The following TUBA4B variants were observed in gnomAD, a reference collection of about 807,000 sequenced individuals.
TUBA4B encodes the protein tubulin alpha 4b.
Under a neutral mutation model 18.4 loss-of-function variants are expected in TUBA4B, and 13 were observed. The ratio of observed to expected loss-of-function variants is 0.71; its 90% confidence interval spans 0.46 to 1.12. The LOEUF (loss-of-function observed/expected upper bound fraction) is 1.12. TUBA4B is among the 50% of genes most tolerant of loss of function. The pLI, the probability that TUBA4B is intolerant of heterozygous loss-of-function variation, is 0.00. For missense variants in TUBA4B, 244 were observed against 250.0 expected (o/e 0.98, Z 0.16); for synonymous variants, 101 against 99.1 (o/e 1.02, Z -0.11).
intron 1 of TUBA4B, among the ~76,000 whole-genome samples, chr2:219,264,439 G>A (rs1407035352): frequency 6.8e-6 from 1 of 147,380 alleles, no homozygotes; most frequent in Non-Finnish European, 1.5e-5. Flanking sequence ...CAGCCTGGGT[G>A]ACAGAGTGAG....
At chr2:219,253,966 C>T in intron 1 of TUBA4B, 3 of 1,126,724 alleles carry the variant, frequency 2.7e-6, no homozygotes, top group South Asian at 2.4e-5. Context: ...GGGGGCGGGG[C>T]CCGCGTTCCC....
chr2:219,261,339 T>A (rs1377499015), intron 1 of TUBA4B, among the ~76,000 whole-genome samples: 1 of 152,168 alleles, frequency 6.6e-6, no homozygotes, highest in African/African-American at 2.4e-5. Context: ...ACATCTGTTT[T>A]TATCAGGAGA....
rs771380611 is a variant in TUBA4B at position 219,271,217 on chromosome 2, C to G, written c.244C>G (p.Arg82Gly). The G allele has an allele frequency of 2.0e-5, 23 of 1,159,736 alleles. No individual in the cohort carries two copies. The African/African-American group carries it at 2.4e-4, about 12-fold the overall frequency. 71.8% of individuals were successfully genotyped at this position (1,159,736 alleles called of 1,614,324 possible). The change falls in exon 4 of 4, where the codon CGG becomes GGG. Residue 82 changes from arginine to glycine, a missense_variant. Physicochemically the swap from Arg to Gly is moderately radical, Grantham distance 125. Coordinates refer to ENST00000490341, the MANE Select transcript of TUBA4B (RefSeq NM_001355221.1). ...CTTCCTGGTGTTCCACAGCCTTGGT[C>G]GGGGCACTGGCTCTGACGTCACCTC... is the stretch of plus-strand genomic sequence containing the variant. ...QGFLVFHSLG[R>G]GTGSDVTSFL...
In TUBA4B at chr2:219,253,337, C is replaced by G; in HGVS notation, c.-71C>G. ...TTCCCACCAACCCTCTCAGCTCAGA[C>G]GCGGGGTGCTGAGTCACGGGGGGGG... On this transcript the variant is annotated 5_prime_UTR_variant, in exon 1 of 4. Coordinates refer to ENST00000490341, the MANE Select transcript of TUBA4B (RefSeq NM_001355221.1). The G allele has an allele frequency of 2.6e-6, 4 of 1,530,356 alleles. No individual in the cohort carries two copies. Among genetic ancestry groups the G allele is most frequent in the Non-Finnish European group, 3.5e-6 (4 of 1,144,346 alleles). The allele number at this position is 1,530,356 out of a possible 1,614,324, so 94.8% of individuals were successfully genotyped here. A position where few individuals can be genotyped will look rare whatever the true frequency, so the allele number is the denominator to read the frequency against.
intron 1 of TUBA4B, among the ~76,000 whole-genome samples, chr2:219,255,570 A>G (rs748291375): frequency 3.3e-5 from 5 of 152,028 alleles, no homozygotes; most frequent in African/African-American, 7.2e-5. Context: ...AGGTCTCGCC[A>G]TATTGTCCAG....
intron 1 of TUBA4B, among the ~76,000 whole-genome samples, chr2:219,255,081 T>C (rs1951706640): frequency 6.6e-6 from 1 of 152,096 alleles, no homozygotes; most frequent in Admixed American, 6.6e-5. Context: ...GTCAGTGTCT[T>C]GCTGTGTCAC....
intron 1 of TUBA4B, among the ~76,000 whole-genome samples, chr2:219,255,062 C>T (rs951140092): frequency 4.6e-5 from 7 of 151,974 alleles, no homozygotes; most frequent in Non-Finnish European, 8.8e-5. Context: ...CTCTCTCTCT[C>T]TCTTTTGAGT....
At chr2:219,271,015 A>G (rs551018125) in intron 3 of TUBA4B, among the ~76,000 whole-genome samples, 151 bp from the exon 4 acceptor site, 162 of 152,286 alleles carry the variant, frequency 1.1e-3, no homozygotes, top group African/African-American at 3.6e-3. Flanking sequence ...TGGGCCCTGG[A>G]CCCACTCTAT....
chr2:219,258,192 T>C (rs1010070167), intron 1 of TUBA4B, among the ~76,000 whole-genome samples: 12 of 152,064 alleles, frequency 7.9e-5, no homozygotes, highest in African/African-American at 2.9e-4. Flanking sequence ...GATTTCACCA[T>C]GTTGGACAGG....
At chr2:219,270,167 C>A in intron 2 of TUBA4B, 35 bp from the exon 3 acceptor site, 1 of 708,000 alleles carries the variant, frequency 1.4e-6, no homozygotes. Flanking sequence ...AGGTGGGGCC[C>A]AAAACTCTGC....
intron 1 of TUBA4B, among the ~76,000 whole-genome samples, chr2:219,262,167 C>T (rs1951763373): frequency 6.6e-6 from 1 of 152,142 alleles, no homozygotes; most frequent in Non-Finnish European, 1.5e-5. Flanking sequence ...AAAAATTAGC[C>T]TGGCGTGGTG....
At chr2:219,266,313 C>G (rs1159127635) in intron 1 of TUBA4B, 1 of 560,734 alleles carries the variant, frequency 1.8e-6, no homozygotes, top group Non-Finnish European at 3.2e-6. Flanking sequence ...CTAGCCCTGG[C>G]CCCTCCTCTG....
rs1047221293 is a variant in TUBA4B at position 219,272,053 on chromosome 2, A to T, written c.*354A>T. 3.6e-6 allele frequency: 5 copies of T among 1,384,416 alleles called. No homozygotes were observed. Among genetic ancestry groups the T allele is most frequent in the African/African-American group, 1.4e-5 (1 of 69,548 alleles). The allele number at this position is 1,384,416 out of a possible 1,614,324, so 85.8% of individuals were successfully genotyped here. A position where few individuals can be genotyped will look rare whatever the true frequency, so the allele number is the denominator to read the frequency against. On this transcript the variant is annotated 3_prime_UTR_variant, in exon 4 of 4. Coordinates refer to ENST00000490341, the MANE Select transcript of TUBA4B (RefSeq NM_001355221.1). The stretch of plus-strand genomic sequence containing the variant: ...GAGGAGGGTGAGTTCTCCAAGGCCC[A>T]TGAGGATATGACTGCCCTGGAGAAG...
intron 1 of TUBA4B, among the ~76,000 whole-genome samples, chr2:219,264,759 T>C (rs997186035): frequency 6.6e-6 from 1 of 152,066 alleles, no homozygotes; most frequent in African/African-American, 2.4e-5. Context: ...ATACATTGTG[T>C]TTTTCTGGAA....
intron 2 of TUBA4B, among the ~76,000 whole-genome samples, chr2:219,267,290 T>C (rs1224219583): frequency 6.6e-6 from 1 of 152,216 alleles, no homozygotes; most frequent in Non-Finnish European, 1.5e-5. Flanking sequence ...GAGGGTCGGT[T>C]TCCTCATCTA....
In TUBA4B at chr2:219,271,566, T is replaced by G; in HGVS notation, c.593T>G (p.Leu198Arg). ...GACCTGACAGAGTTCCAGACCAACC[T>G]GGTGTCCTACCTCACATCCACTTCC... ...NVDLTEFQTN[L>R]VSYLTSTSPW... The change falls in exon 4 of 4, where the codon CTG becomes CGG. Residue 198 changes from leucine (L) to arginine (R), a missense_variant. By Grantham distance (102) the Leu-to-Arg change is moderately radical. Coordinates refer to ENST00000490341, the MANE Select transcript of TUBA4B (RefSeq NM_001355221.1). The G allele has an allele frequency of 3.1e-6, 5 of 1,614,166 alleles. No individual in the cohort carries two copies. The highest frequency in any genetic ancestry group is 1.1e-5 in the South Asian group (1 of 91,086).
chr2:219,261,040 T>G (rs2125075037), intron 1 of TUBA4B, among the ~76,000 whole-genome samples: 1 of 152,182 alleles, frequency 6.6e-6, no homozygotes, highest in African/African-American at 2.4e-5. Flanking sequence ...TCTCTCTCTC[T>G]CCTCTCCCTC....
intron 1 of TUBA4B, among the ~76,000 whole-genome samples, chr2:219,260,882 A>C (rs1047801557): frequency 1.3e-5 from 2 of 152,202 alleles, no homozygotes; most frequent in African/African-American, 4.8e-5. Context: ...CTGAGGCAGA[A>C]GAATCATTTG....
At position 219,270,198 on chromosome 2, in the gene TUBA4B, A is replaced by G; in HGVS notation, c.59-4A>G. On this transcript the variant is annotated splice_polypyrimidine_tract_variant and splice_region_variant and intron_variant, in intron 2 of 3. Transcript: ENST00000490341. ...TCTGCCCACTGCAGATGAACTTTGA[A>G]CAGGCACATACCGCCAGATCTTCCA... The G allele has an allele frequency of 4.0e-6, 3 of 742,964 alleles. No homozygotes were observed. Among genetic ancestry groups the G allele is most frequent in the Middle Eastern group, 2.3e-4 (1 of 4,400 alleles). 46.0% of individuals were successfully genotyped at this position (742,964 alleles called of 1,614,324 possible).
Sources: allele counts gnomAD v4.1 joint callset (sites outside exome capture counted in the v4.1 genomes callset), GRCh38; gene constraint gnomAD v4.1.1; transcripts MANE v1.5; gene names NCBI Gene and HGNC (gene_info 2026-07-23, HGNC 2026-07-21).